MAPK10: variants seen among roughly 807,000 people sequenced by gnomAD.
MAPK10 encodes JNK3 alpha protein kinase.
MAPK10 carries 25 observed loss-of-function variants against 59.3 expected under a neutral mutation model. That is an observed-to-expected ratio of 0.42 (90% CI 0.31 to 0.59). MAPK10 has a LOEUF of 0.59. MAPK10 is among the 20% of genes least tolerant of loss of function. The pLI is 0.15. For missense variants in MAPK10, 351 were observed against 568.9 expected (o/e 0.62, Z 3.90); for synonymous variants, 190 against 200.5 (o/e 0.95, Z 0.44).
At chr4:86,052,806 C>T (rs1402650527) in intron 11 of MAPK10, among the ~76,000 whole-genome samples, 1 of 152,040 alleles carries the variant, frequency 6.6e-6, no homozygotes, top group Non-Finnish European at 1.5e-5. Flanking sequence ...GCCATTCTCC[C>T]ACCACAGCCT....
At position 86,556,079 on chromosome 4, in the gene MAPK10, C is replaced by T. The variant is rs970393713; in HGVS notation, c.-263+37831G>A. Among the ~76,000 whole-genome samples the T allele has an allele frequency of 2.0e-5, 3 of 152,310 alleles. No individual in the cohort carries two copies. In the South Asian group the frequency reaches 6.2e-4, roughly 32 times the overall value. On this transcript the variant is annotated intron_variant, in intron 1 of 4. Transcript: ENST00000502302. ...CATTTTATCTGGTCATTTAATCAAA[C>T]TGACCAAACACCTCCTGTGCCGTTT...
intron 1 of MAPK10, among the ~76,000 whole-genome samples, chr4:86,500,679 C>A (rs1167711419): frequency 3.3e-5 from 5 of 152,060 alleles, no homozygotes; most frequent in African/African-American, 1.2e-4. Context: ...ATAATACTAA[C>A]CTTTCCTCCA....
At chr4:86,022,864 CA>C (rs1748021416) in intron 13 of MAPK10, among the ~76,000 whole-genome samples, 1 of 152,106 alleles carries the variant, frequency 6.6e-6, no homozygotes, top group Admixed American at 6.6e-5. Context: ...TATGTATTTT[CA>C]AATGTTTTTC....
At chr4:86,582,513 C>A (rs1418822086) in intron 1 of MAPK10, among the ~76,000 whole-genome samples, 1 of 152,124 alleles carries the variant, frequency 6.6e-6, no homozygotes, top group African/African-American at 2.4e-5. Flanking sequence ...CAAATAACTA[C>A]CTTGGCTCTT....
intron 1 of MAPK10, among the ~76,000 whole-genome samples, chr4:86,559,647 C>T (rs1367289662): frequency 6.6e-6 from 1 of 152,104 alleles, no homozygotes; most frequent in Non-Finnish European, 1.5e-5. Context: ...AATAGTCACT[C>T]ACCGGCCAGG....
chr4:86,441,204 G>A (rs1478613385), intron 1 of MAPK10, among the ~76,000 whole-genome samples: 1 of 152,202 alleles, frequency 6.6e-6, no homozygotes, highest in African/African-American at 2.4e-5. Context: ...TATATAATGT[G>A]TGTGTGACTG....
chr4:86,429,535 G>C (rs1747753807), intron 1 of MAPK10: 1 of 152,084 alleles, frequency 6.6e-6, no homozygotes, highest in South Asian at 2.1e-4. Flanking sequence ...AGGGCACAAT[G>C]GCTCATGCCT....
At chr4:86,564,494 C>G (rs1760916935) in intron 1 of MAPK10, among the ~76,000 whole-genome samples, 1 of 152,120 alleles carries the variant, frequency 6.6e-6, no homozygotes, top group Admixed American at 6.5e-5. Flanking sequence ...ATATAGTATA[C>G]AACTGAAAAG....
chr4:86,198,021 A>T (rs1262351134), intron 2 of MAPK10, among the ~76,000 whole-genome samples: 1 of 152,148 alleles, frequency 6.6e-6, no homozygotes, highest in African/African-American at 2.4e-5. Context: ...GCATTAAATC[A>T]TGCTGATCCA....
intron 1 of MAPK10, among the ~76,000 whole-genome samples, chr4:86,446,581 C>CATGTGGATG (rs970633342): frequency 2.5e-4 from 38 of 152,212 alleles, no homozygotes; most frequent in Middle Eastern, 3.4e-3. Context: ...TCCCTGAGCA[C>CATGTGGATG]ATGTGGATGG....
At chr4:86,418,401 T>C (rs1746111598) in intron 1 of MAPK10, among the ~76,000 whole-genome samples, 1 of 152,186 alleles carries the variant, frequency 6.6e-6, no homozygotes, top group African/African-American at 2.4e-5. Flanking sequence ...ATGCATCAAC[T>C]AGAGAGATTA....
chr4:86,520,734 A>G (rs1757051822), intron 1 of MAPK10, among the ~76,000 whole-genome samples: 1 of 152,062 alleles, frequency 6.6e-6, no homozygotes, highest in South Asian at 2.1e-4. Context: ...TCTTATTTGG[A>G]TAGACTTTTT....
At chr4:86,527,780 A>C (rs1466596050) in intron 1 of MAPK10, among the ~76,000 whole-genome samples, 1 of 152,266 alleles carries the variant, frequency 6.6e-6, no homozygotes, top group African/African-American at 2.4e-5. Flanking sequence ...TCAACAGTGG[A>C]CTGGATAAAG....
intron 1 of MAPK10, among the ~76,000 whole-genome samples, chr4:86,528,104 A>T (rs1218521651): frequency 6.6e-6 from 1 of 152,174 alleles, no homozygotes; most frequent in African/African-American, 2.4e-5. Flanking sequence ...AGCACCACAC[A>T]ATATGCTCAT....
chr4:86,089,867 A>T (rs1481437876), intron 9 of MAPK10, among the ~76,000 whole-genome samples: 1 of 152,154 alleles, frequency 6.6e-6, no homozygotes, highest in African/African-American at 2.4e-5. Context: ...CTCAGCAGGA[A>T]GCCTTGTCTT....
intron 2 of MAPK10, among the ~76,000 whole-genome samples, chr4:86,217,870 T>C (rs1424950502): frequency 6.6e-6 from 1 of 152,078 alleles, no homozygotes; most frequent in African/African-American, 2.4e-5. Flanking sequence ...GATAAATACA[T>C]ATTGACTGCA....
At chr4:86,033,892 A>G (rs2039622674) in intron 11 of MAPK10, among the ~76,000 whole-genome samples, 1 of 152,230 alleles carries the variant, frequency 6.6e-6, no homozygotes, top group African/African-American at 2.4e-5. Context: ...CAATGTTACA[A>G]CACACACGTA....
At chr4:86,266,329 C>T (rs899603342) in intron 2 of MAPK10, among the ~76,000 whole-genome samples, 1 of 152,132 alleles carries the variant, frequency 6.6e-6, no homozygotes, top group African/African-American at 2.4e-5. Context: ...AGCTGTATGA[C>T]CTCGGCATAC....
intron 1 of MAPK10, among the ~76,000 whole-genome samples, chr4:86,487,602 G>T (rs553361558): frequency 6.6e-6 from 1 of 151,876 alleles, no homozygotes; most frequent in Admixed American, 6.6e-5. Context: ...ATGGTGGCAG[G>T]TGCCTGTAGT....
Sources: gnomAD v4.1 joint callset for allele counts (sites outside exome capture counted in the v4.1 genomes callset) on GRCh38, gnomAD v4.1.1 for gene constraint, MANE v1.5 for transcripts, NCBI Gene and HGNC (gene_info 2026-07-23, HGNC 2026-07-21) for gene names.